The following CSGALNACT2 variants were observed in gnomAD, a reference collection of about 807,000 sequenced individuals.
CSGALNACT2 encodes chondroitin sulfate N-acetylgalactosaminyltransferase 2, also known as beta 4 GalNAcT-2.
A neutral mutation model predicts 55.3 loss-of-function variants in CSGALNACT2; 35 were observed. That is an observed-to-expected ratio of 0.63 (90% CI 0.48 to 0.84). The LOEUF (loss-of-function observed/expected upper bound fraction) is 0.84, where lower values mean the gene tolerates loss of function less well. CSGALNACT2 is among the 40% of genes least tolerant of loss of function. The pLI is 0.00. For synonymous variants in CSGALNACT2, 196 were observed against 224.9 expected (o/e 0.87, Z 1.15); for missense variants, 544 against 657.5 (o/e 0.83, Z 1.89).
At chr10:43,147,270 C>T (rs577885540) in intron 1 of CSGALNACT2, among the ~76,000 whole-genome samples, 7 of 152,230 alleles carry the variant, frequency 4.6e-5, no homozygotes, top group South Asian at 2.1e-4. Context: ...CCACCGCGCC[C>T]GGCCGAGCAT....
At chr10:43,149,732 T>G (rs1367672100) in intron 1 of CSGALNACT2, among the ~76,000 whole-genome samples, 1 of 152,042 alleles carries the variant, frequency 6.6e-6, no homozygotes, top group African/African-American at 2.4e-5. Flanking sequence ...TTTGGAAGAG[T>G]CTGTGAAGAT....
At chr10:43,167,985 CATAAA>C (rs984771597) in intron 6 of CSGALNACT2, among the ~76,000 whole-genome samples, 15 of 101,320 alleles carry the variant, frequency 1.5e-4, no homozygotes, top group African/African-American at 4.9e-4. Flanking sequence ...AAAATTTAAT[CATAAA>C]GTAGACAGAT....
rs773817131 is a variant in CSGALNACT2, at chr10:43,155,458, G to A, written c.309G>A (p.Gly103=). The A allele has an allele frequency of 5.0e-6, 8 of 1,614,114 alleles. No homozygotes were observed. The South Asian group carries it at 7.7e-5, about 16-fold the overall frequency. ...CACTGCAAGAAAGAAGGAATGTAGG[G>A]GCTAATGGCATAGGCTATCAGAGCA... ...MRSLQERRNV[G]ANGIGYQSNK... is the part of the protein sequence containing the mutation. The change falls in exon 2 of 8, where the codon GGG becomes GGA. Residue 103 remains glycine (G), a synonymous_variant. Coordinates refer to ENST00000374466, the MANE Select transcript of CSGALNACT2 (RefSeq NM_018590.5).
At position 43,168,979 on chromosome 10, in the gene CSGALNACT2, C is replaced by T. The variant is rs117915933; in HGVS notation, c.1254+1881C>T. On this transcript the variant is annotated intron_variant, in intron 6 of 7. Coordinates refer to ENST00000374466, the MANE Select transcript of CSGALNACT2 (RefSeq NM_018590.5). ...GAGTGAAGATGGGGCTGCTTTGCAT[C>T]CTCTGAGCTCATAGCAGACAGAATG... Among the ~76,000 whole-genome samples, 12 of 152,248 alleles carry T rather than the reference C, an allele frequency of 7.9e-5. No individual in the cohort carries two copies. In the East Asian group the frequency reaches 2.3e-3, roughly 29 times the overall value.
intron 1 of CSGALNACT2, among the ~76,000 whole-genome samples, chr10:43,150,115 G>A (rs1328699259): frequency 6.6e-6 from 1 of 152,176 alleles, no homozygotes; most frequent in Non-Finnish European, 1.5e-5. Context: ...CATTCCACCA[G>A]TGAAGCCTCT....
At chr10:43,143,493 A>ATGTGTGTGTGTGTG (rs3983257) in intron 1 of CSGALNACT2, among the ~76,000 whole-genome samples, 4 of 141,874 alleles carry the variant, frequency 2.8e-5, no homozygotes, top group African/African-American at 7.9e-5. Flanking sequence ...CTCTCCAAAA[A>ATGTGTGTGTGTGTG]TGTGTGTGTG....
rs140550915 is a variant in CSGALNACT2, at chr10:43,143,544, TAATA to T, written c.-254+4980_-254+4983del. ...GTGTGTGTGTGTGTGTGTGGAATCA[TAATA>T]AAGGAATCATAATATCTTGGAAGGA... On this transcript the variant is annotated intron_variant, in intron 1 of 7. Coordinates refer to ENST00000374466, the MANE Select transcript of CSGALNACT2 (RefSeq NM_018590.5). Among the ~76,000 whole-genome samples the T allele has an allele frequency of 8.5e-3, 1,244 of 147,156 alleles. 51 individuals carry two copies. In the East Asian group the frequency reaches 0.099, roughly 12 times the overall value.
At chr10:43,175,920 A>G in intron 6 of CSGALNACT2, 31 bp from the exon 7 acceptor site, 1 of 1,519,976 alleles carries the variant, frequency 6.6e-7, no homozygotes, top group Non-Finnish European at 8.8e-7. Context: ...ATGGAATTAA[A>G]TTGTTTTCTG....
chr10:43,172,325 G>A (rs79085652), intron 6 of CSGALNACT2, among the ~76,000 whole-genome samples: 2 of 102,054 alleles, frequency 2.0e-5, no homozygotes, highest in African/African-American at 6.5e-5. Context: ...AAGCTAAAAA[G>A]CGGGAAATAG....
intron 5 of CSGALNACT2, 42 bp from the exon 6 acceptor site, chr10:43,166,962 A>G (rs761343077): frequency 1.6e-6 from 2 of 1,244,202 alleles, no homozygotes; most frequent in Non-Finnish European, 2.3e-6. Context: ...ACAGTTCTTC[A>G]TAACTTCTTT....
intron 6 of CSGALNACT2, among the ~76,000 whole-genome samples, chr10:43,169,211 G>C (rs1839333611): frequency 6.6e-6 from 1 of 152,154 alleles, no homozygotes; most frequent in African/African-American, 2.4e-5. Context: ...TGTGACTGGA[G>C]ATAGGCCATT....
chr10:43,163,189 A>G, intron 4 of CSGALNACT2: 1 of 985,214 alleles, frequency 1.0e-6, no homozygotes, highest in Non-Finnish European at 1.2e-6. Flanking sequence ...TTCCACTTCT[A>G]ACATCTTCTC....
Position 43,155,124 on chromosome 10 carries a change from T to C in CSGALNACT2, c.-26T>C. ...GTATGAACACACAAAGAGCTTATTT[T>C]GTTAGGCAAATACACATTAATAAGA... On this transcript the variant is annotated 5_prime_UTR_variant, in exon 2 of 8. Transcript: ENST00000374466. 2 of 1,566,614 alleles carry C rather than the reference T, an allele frequency of 1.3e-6. No individual in the cohort carries two copies. The highest frequency in any genetic ancestry group is 1.7e-6 in the Non-Finnish European group (2 of 1,146,826).
intron 5 of CSGALNACT2, among the ~76,000 whole-genome samples, chr10:43,166,684 A>T (rs1208511575): frequency 6.6e-6 from 1 of 152,228 alleles, no homozygotes; most frequent in African/African-American, 2.4e-5. Flanking sequence ...ATCTACGTTT[A>T]TTACTACTGA....
intron 5 of CSGALNACT2, 63 bp downstream of exon 5, chr10:43,164,107 A>G (rs1839210183): frequency 2.2e-6 from 3 of 1,344,136 alleles, no homozygotes; most frequent in Non-Finnish European, 3.0e-6. Context: ...CATGTCCTAT[A>G]GTTTGAATCA....
chr10:43,177,686 G>A (rs894407644), intron 7 of CSGALNACT2, among the ~76,000 whole-genome samples: 10 of 152,180 alleles, frequency 6.6e-5, no homozygotes, highest in African/African-American at 2.4e-4. Context: ...CATTTGAGTT[G>A]TTTCTACTTT....
At chr10:43,154,744 C>A (rs1838956685) in intron 1 of CSGALNACT2, among the ~76,000 whole-genome samples, 153 bp from the exon 2 acceptor site, 1 of 151,482 alleles carries the variant, frequency 6.6e-6, no homozygotes, top group Non-Finnish European at 1.5e-5. Context: ...AAAAAAAATT[C>A]TCCTAGTATT....
intron 7 of CSGALNACT2, among the ~76,000 whole-genome samples, chr10:43,181,960 T>C (rs950760776): frequency 7.7e-6 from 1 of 130,494 alleles, no homozygotes; most frequent in Non-Finnish European, 1.6e-5. Context: ...AAGTGATAAA[T>C]GTCCATGAAA....
At chr10:43,163,277 C>T (rs977353126) in intron 4 of CSGALNACT2, 2 of 926,514 alleles carry the variant, frequency 2.2e-6, no homozygotes, top group African/African-American at 3.6e-5. Flanking sequence ...TATTGAACTC[C>T]TACTCTATCA....
Sources: allele counts gnomAD v4.1 joint callset (sites outside exome capture counted in the v4.1 genomes callset), GRCh38; gene constraint gnomAD v4.1.1; transcripts MANE v1.5; gene names NCBI Gene and HGNC (gene_info 2026-07-23, HGNC 2026-07-21).